RBM20: variants seen among roughly 807,000 people sequenced by gnomAD.
RBM20 encodes RNA binding motif protein 20.
A neutral mutation model predicts 110.1 loss-of-function variants in RBM20; 51 were observed. That is an observed-to-expected ratio of 0.46 (90% CI 0.37 to 0.59). RBM20 has a LOEUF of 0.59. RBM20 is among the 20% of genes least tolerant of loss of function. RBM20 has a pLI of 0.00. For synonymous variants in RBM20, 589 were observed against 618.2 expected, an observed-to-expected ratio of 0.95 and a Z score of 0.70; for missense variants, 1,512 against 1,574.9, an observed-to-expected ratio of 0.96 and a Z score of 0.68.
At chr10:110,767,176 C>A (rs1844106584) in intron 1 of RBM20, among the ~76,000 whole-genome samples, 1 of 125,506 alleles carries the variant, frequency 8.0e-6, no homozygotes, top group Admixed American at 7.7e-5. Flanking sequence ...ACCCCCCCCA[C>A]CTCCCTCCCA....
intron 5 of RBM20, among the ~76,000 whole-genome samples, chr10:110,797,033 A>G (rs186171609): frequency 1.6e-3 from 249 of 152,322 alleles, no homozygotes; most frequent in African/African-American, 5.8e-3. Flanking sequence ...TAATATTGCT[A>G]AAGTATATTC....
At position 110,766,202 on chromosome 10, in the gene RBM20, T is replaced by C. The variant is rs1166651801; in HGVS notation, c.192-14599T>C. On this transcript the variant is annotated intron_variant, in intron 1 of 13. Coordinates refer to ENST00000369519, the MANE Select transcript of RBM20 (RefSeq NM_001134363.3). ...CTTGGATCGTAACCACAGGTTTAGT[T>C]TGTGGTATTCTAAGAAAATATCTAG... Among the ~76,000 whole-genome samples the C allele has an allele frequency of 2.0e-5, 3 of 152,224 alleles. No individual in the cohort carries two copies. The East Asian group carries it at 5.8e-4, about 29-fold the overall frequency.
intron 1 of RBM20, among the ~76,000 whole-genome samples, chr10:110,752,976 T>A (rs1843877466): frequency 6.8e-6 from 1 of 146,952 alleles, no homozygotes; most frequent in African/African-American, 2.5e-5. Context: ...TCTCCCTCTG[T>A]TGCCCAGGCT....
At chr10:110,742,070 A>G (rs1325951995) in intron 1 of RBM20, among the ~76,000 whole-genome samples, 2 of 152,174 alleles carry the variant, frequency 1.3e-5, no homozygotes, top group Non-Finnish European at 2.9e-5. Flanking sequence ...CCTTTTTTGT[A>G]GATTAAATGA....
chr10:110,745,104 GC>G (rs1437344453), intron 1 of RBM20, among the ~76,000 whole-genome samples: 2 of 152,328 alleles, frequency 1.3e-5, no homozygotes, highest in South Asian at 4.1e-4. Flanking sequence ...CAAACCCTCT[GC>G]TTTTTCATCC....
chr10:110,745,870 A>G (rs1189159232), intron 1 of RBM20, among the ~76,000 whole-genome samples: 1 of 152,220 alleles, frequency 6.6e-6, no homozygotes, highest in Non-Finnish European at 1.5e-5. Context: ...CTGCCTAGTA[A>G]TCTAGTTTAA....
Position 110,644,751 on chromosome 10 carries a change from C to A in RBM20, c.191+106C>A. 1 of 894,298 alleles carries A rather than the reference C, an allele frequency of 1.1e-6. No homozygotes were observed. Among genetic ancestry groups the A allele is most frequent in the Non-Finnish European group, 1.6e-6 (1 of 629,932 alleles). 55.4% of individuals were successfully genotyped at this position (894,298 alleles called of 1,614,324 possible). Reference sequence around the variant, plus strand: ...GTCCCTGCTGAACTTCGCTCGCCCCCCTTGGGTTTGAAGTTTTCTCGTACC... The same window carrying A: ...GTCCCTGCTGAACTTCGCTCGCCCCACTTGGGTTTGAAGTTTTCTCGTACC... On this transcript the variant is annotated intron_variant, in intron 1 of 13. Coordinates refer to ENST00000369519, the MANE Select transcript of RBM20 (RefSeq NM_001134363.3). This position sits in a 1 kb window ranked among gnomAD's most constrained non-coding sequence, Gnocchi z 4.3.
intron 1 of RBM20, among the ~76,000 whole-genome samples, chr10:110,688,359 G>A (rs1442502951): frequency 6.6e-6 from 1 of 152,042 alleles, no homozygotes; most frequent in Non-Finnish European, 1.5e-5. Flanking sequence ...TAATGCTATG[G>A]TTCTGGCCTG....
upstream of RBM20, among the ~76,000 whole-genome samples, chr10:110,644,186 TGAGCAGCCCCCGGCCGCA>T (rs1861829601): frequency 1.3e-5 from 2 of 151,982 alleles, no homozygotes; most frequent in Admixed American, 6.6e-5. This position sits in a 1 kb window ranked among gnomAD's most constrained non-coding sequence, Gnocchi z 4.3. Flanking sequence ...AGCTTGGCGC[TGAGCAGCCCCCGGCCGCA>T]GAGCAGCTCC....
chr10:110,725,047 A>G (rs758233238), intron 1 of RBM20, among the ~76,000 whole-genome samples: 2 of 152,170 alleles, frequency 1.3e-5, no homozygotes, highest in Non-Finnish European at 2.9e-5. Flanking sequence ...TCTATTAAGC[A>G]AGTGACACCA....
chr10:110,820,776 T>C (rs1844898702), intron 10 of RBM20, among the ~76,000 whole-genome samples: 1 of 151,802 alleles, frequency 6.6e-6, no homozygotes, highest in South Asian at 2.1e-4. Context: ...GTCTGTGGAG[T>C]TGGGAGTCCA....
chr10:110,688,067 A>G (rs1191837107), intron 1 of RBM20, among the ~76,000 whole-genome samples: 1 of 151,808 alleles, frequency 6.6e-6, no homozygotes, highest in East Asian at 1.9e-4. Context: ...AAAAGGAGAG[A>G]GAGAAATAAT....
At chr10:110,764,939 G>A (rs575275112) in intron 1 of RBM20, among the ~76,000 whole-genome samples, 7 of 152,060 alleles carry the variant, frequency 4.6e-5, no homozygotes, top group South Asian at 2.1e-4. Flanking sequence ...TGTTCTCGGC[G>A]CTGAGCATTT....
chr10:110,781,201 C>A lies in RBM20; in HGVS notation c.592C>A (p.Pro198Thr). Residue 198 changes from proline to threonine, a missense_variant, in exon 2 of 14, where the codon CCT becomes ACT. Pro to Thr is a conservative substitution (Grantham distance 38, BLOSUM62 -1). Coordinates refer to ENST00000369519, the MANE Select transcript of RBM20 (RefSeq NM_001134363.3). ...NQPPSAMVMH[P>T]FTGVMPQTPG... ...GCCACCCAGTGCCATGGTGATGCATCCTTTCACTGGGGTAATGCCTCAGAC... is the reference window on the plus strand; with the variant it reads ...GCCACCCAGTGCCATGGTGATGCATACTTTCACTGGGGTAATGCCTCAGAC... The A allele has an allele frequency of 6.4e-7, 1 of 1,551,678 alleles. No individual in the cohort carries two copies. The highest frequency in any genetic ancestry group is 8.7e-7 in the Non-Finnish European group (1 of 1,146,988).
At chr10:110,835,776 A>T in intron 13 of RBM20, 92 bp from the exon 14 acceptor site, 1 of 1,299,474 alleles carries the variant, frequency 7.7e-7, no homozygotes. Context: ...AGATGCCAGG[A>T]GAGGGATGAT....
intron 1 of RBM20, among the ~76,000 whole-genome samples, chr10:110,752,931 A>G (rs944551489): frequency 1.3e-4 from 9 of 69,398 alleles, no homozygotes; most frequent in Non-Finnish European, 2.2e-4. Flanking sequence ...ATATATATAT[A>G]TATATATATA....
chr10:110,831,679 A>AAAAC (rs1564668211), intron 13 of RBM20, among the ~76,000 whole-genome samples: 1 of 144,742 alleles, frequency 6.9e-6, no homozygotes, highest in African/African-American at 2.5e-5. Flanking sequence ...AAAAAAAAAA[A>AAAAC]AAAAAAAAAA....
At chr10:110,719,996 A>G (rs1843485195) in intron 1 of RBM20, among the ~76,000 whole-genome samples, 1 of 151,362 alleles carries the variant, frequency 6.6e-6, no homozygotes, top group Admixed American at 6.6e-5. Context: ...TGGTTCTTGG[A>G]GACGCCTTCT....
chr10:110,661,874 G>A (rs1296980825), intron 1 of RBM20, among the ~76,000 whole-genome samples: 1 of 152,122 alleles, frequency 6.6e-6, no homozygotes, highest in Non-Finnish European at 1.5e-5. Flanking sequence ...AGCCAGGCAT[G>A]GTGGTGGGCA....
Sources: gnomAD v4.1 joint callset for allele counts (sites outside exome capture counted in the v4.1 genomes callset) on GRCh38, gnomAD v4.1.1 for gene constraint, Gnocchi (gnomAD v3.1) non-coding constraint, MANE v1.5 for transcripts, NCBI Gene and HGNC (gene_info 2026-07-23, HGNC 2026-07-21) for gene names.